The following FBXO4 variants were observed in gnomAD, a reference collection of about 807,000 sequenced individuals.
FBXO4 encodes the protein F-box protein 4.
A neutral mutation model predicts 43.7 loss-of-function variants in FBXO4; 36 were observed. The ratio of observed to expected loss-of-function variants is 0.82; its 90% CI spans 0.63 to 1.09. The LOEUF (loss-of-function observed/expected upper bound fraction) is 1.09, where lower values mean the gene tolerates loss of function less well. Among genes scored for constraint, FBXO4 ranks in the 50% least tolerant of loss-of-function variants. FBXO4 has a pLI of 0.00. For synonymous variants in FBXO4, 180 were observed against 165.6 expected (o/e 1.09, Z -0.67); for missense variants, 435 against 474.1 (o/e 0.92, Z 0.77).
the FBXO4 span, among the ~76,000 whole-genome samples, chr5:41,970,995 A>G: frequency 3.9e-5 from 6 of 152,018 alleles, no homozygotes; most frequent in Non-Finnish European, 5.9e-5. Context: ...CAAATATAAA[A>G]CCAAATGCAA....
chr5:41,927,135 G>A lies in FBXO4; in HGVS notation c.312G>A (p.Leu104=), dbSNP rs1395058367. The change falls in exon 2 of 7, where the codon TTG becomes TTA. Residue 104 remains leucine, a synonymous_variant. Coordinates refer to ENST00000281623, the MANE Select transcript of FBXO4 (RefSeq NM_012176.3). ...CAATTCTGTGGAGATACTTTTTGTT[G>A]AGGGATCTTCCTTCTTGGTCTTCTG... ...RDPILWRYFL[L]RDLPSWSSVD... is the part of the protein sequence containing the mutation. 1 of 1,613,804 alleles carries A rather than the reference G, an allele frequency of 6.2e-7. No homozygotes were observed. Among genetic ancestry groups the A allele is most frequent in the African/African-American group, 1.3e-5 (1 of 75,008 alleles).
chr5:41,967,988 G>A, the FBXO4 span: 1 of 445,522 alleles, frequency 2.2e-6, no homozygotes, highest in Non-Finnish European at 4.6e-6. Context: ...CTCAGGCATG[G>A]CCCTTTGTTG....
chr5:41,926,414 A>G (rs554600872), intron 1 of FBXO4, among the ~76,000 whole-genome samples: 1 of 152,246 alleles, frequency 6.6e-6, no homozygotes, highest in East Asian at 1.9e-4. Context: ...TCTACTAAAA[A>G]TATAAAAAAT....
At chr5:41,945,039 GC>G, downstream of FBXO4, among the ~76,000 whole-genome samples, 1 of 152,252 alleles carries the variant, frequency 6.6e-6, no homozygotes, top group South Asian at 2.1e-4. Flanking sequence ...AAATGTTCTA[GC>G]CTAATAATTT....
chr5:41,957,288 T>C, the FBXO4 span, among the ~76,000 whole-genome samples: 1 of 151,740 alleles, frequency 6.6e-6, no homozygotes, highest in Non-Finnish European at 1.5e-5. Flanking sequence ...CCTTATTCTT[T>C]TCCTTTACAG....
At chr5:41,939,695 C>T (rs1751952268) in intron 6 of FBXO4, 79 bp downstream of exon 6, 1 of 1,198,744 alleles carries the variant, frequency 8.3e-7, no homozygotes, top group Non-Finnish European at 1.1e-6. Context: ...TTAAATTCAT[C>T]TTCTTTAATG....
the FBXO4 span, among the ~76,000 whole-genome samples, chr5:41,980,315 G>T: frequency 6.6e-6 from 1 of 152,124 alleles, no homozygotes; most frequent in Non-Finnish European, 1.5e-5. Context: ...GAATTTTAGT[G>T]AGCATACGTA....
At chr5:41,948,859 T>C in the FBXO4 span, among the ~76,000 whole-genome samples, 780 of 152,278 alleles carry the variant, frequency 5.1e-3, 8 homozygotes, top group African/African-American at 0.018. Flanking sequence ...AAAAAGCTTA[T>C]CCACAACTAT....
intron 5 of FBXO4, among the ~76,000 whole-genome samples, chr5:41,935,821 C>G (rs1179662651): frequency 6.6e-6 from 1 of 152,154 alleles, no homozygotes; most frequent in Non-Finnish European, 1.5e-5. Flanking sequence ...TTCCCCATAA[C>G]CCCCATGGCA....
At position 41,934,152 on chromosome 5, in the gene FBXO4, A is replaced by C. The variant is rs766094042; in HGVS notation, c.742A>C (p.Arg248=). 14 of 1,614,060 alleles carry C rather than the reference A, an allele frequency of 8.7e-6. No homozygotes were observed. The highest frequency in any genetic ancestry group is 1.7e-5 in the Admixed American group (1 of 60,028). The change falls in exon 5 of 7, where the codon AGG becomes CGG. Residue 248 remains arginine, a synonymous_variant. Coordinates refer to ENST00000281623, the MANE Select transcript of FBXO4 (RefSeq NM_012176.3). ...STTRKERDRA[R]EEHTSAVNKM... is the part of the protein sequence containing the mutation. ...TTCTAGAAAGGAAAGAGATAGAGCAAGGGAAGAGCATACAAGTGCAGTTAA... is the reference window on the plus strand; with the variant it reads ...TTCTAGAAAGGAAAGAGATAGAGCACGGGAAGAGCATACAAGTGCAGTTAA...
the FBXO4 span, among the ~76,000 whole-genome samples, chr5:42,001,848 G>C: frequency 6.6e-6 from 1 of 151,908 alleles, no homozygotes; most frequent in African/African-American, 2.4e-5. Flanking sequence ...ACCTTGGCTG[G>C]CTAATTTTTT....
At chr5:41,957,080 G>T in the FBXO4 span, among the ~76,000 whole-genome samples, 13 of 152,044 alleles carry the variant, frequency 8.6e-5, no homozygotes, top group East Asian at 9.7e-4. Flanking sequence ...GATGGAGTGA[G>T]GTGTGGTTTT....
At chr5:41,996,071 T>TC in the FBXO4 span, among the ~76,000 whole-genome samples, 2 of 152,110 alleles carry the variant, frequency 1.3e-5, no homozygotes, top group African/African-American at 4.8e-5. Flanking sequence ...CACAGGGAAC[T>TC]CCCCATGAGG....
the FBXO4 span, among the ~76,000 whole-genome samples, chr5:42,009,773 A>T: frequency 1.1e-4 from 17 of 152,324 alleles, no homozygotes; most frequent in African/African-American, 4.1e-4. Context: ...TAAATTAAAT[A>T]ACATCAATTT....
chr5:41,984,434 G>T, the FBXO4 span, among the ~76,000 whole-genome samples: 2 of 152,136 alleles, frequency 1.3e-5, no homozygotes, highest in Non-Finnish European at 2.9e-5. Flanking sequence ...CTCAGCTAGG[G>T]TTGTAGTTAT....
the FBXO4 span, among the ~76,000 whole-genome samples, chr5:42,029,231 CTT>C: frequency 6.6e-6 from 1 of 151,898 alleles, no homozygotes; most frequent in African/African-American, 2.4e-5. Flanking sequence ...TAGGATAAAA[CTT>C]TTTCTCATTC....
chr5:41,993,075 ATT>A, the FBXO4 span, among the ~76,000 whole-genome samples: 1 of 152,220 alleles, frequency 6.6e-6, no homozygotes, highest in Non-Finnish European at 1.5e-5. Flanking sequence ...AGACTGAAGT[ATT>A]ACTTAGTAGC....
chr5:41,994,248 G>A, the FBXO4 span, among the ~76,000 whole-genome samples: 8 of 152,224 alleles, frequency 5.3e-5, no homozygotes, highest in South Asian at 1.0e-3. Context: ...AACTCAAAAA[G>A]TCTTATGTCA....
intron 5 of FBXO4, among the ~76,000 whole-genome samples, chr5:41,937,676 TCA>T (rs1751883321): frequency 6.6e-6 from 1 of 152,236 alleles, no homozygotes; most frequent in African/African-American, 2.4e-5. Flanking sequence ...AATTTATTTC[TCA>T]CAGTTTTGGA....
Sources: gnomAD v4.1 joint callset for allele counts (sites outside exome capture counted in the v4.1 genomes callset) on GRCh38, gnomAD v4.1.1 for gene constraint, MANE v1.5 for transcripts, NCBI Gene and HGNC (gene_info 2026-07-23, HGNC 2026-07-21) for gene names.